ASTN2: variants seen among roughly 807,000 people sequenced by gnomAD.
ASTN2 encodes the protein astrotactin-2.
In ASTN2, 54 loss-of-function variants were observed where a neutral mutation model predicts 139.8. That is an observed-to-expected ratio of 0.39 (90% CI 0.31 to 0.48). ASTN2 has a LOEUF of 0.48. ASTN2 is among the 20% of genes least tolerant of loss of function. ASTN2 has a pLI of 0.95. For synonymous variants in ASTN2, 756 were observed against 719.5 expected (o/e 1.05, Z -0.81); for missense variants, 1,565 against 1,725.1 (o/e 0.91, Z 1.64).
In ASTN2 at chr9:116,984,032, G is replaced by A. The variant is rs765168684; in HGVS notation, c.1592-7247C>T. 3.9e-5 allele frequency among the ~76,000 whole-genome samples: 6 copies of A among 152,322 alleles called. No homozygotes were observed. In the South Asian group the frequency reaches 6.2e-4, roughly 16 times the overall value. On this transcript the variant is annotated intron_variant, in intron 7 of 22. Transcript: ENST00000313400. The stretch of plus-strand genomic sequence containing the variant: ...TTTCTGATGTACTTTAAACCTAGAT[G>A]TCTACATCTCTATAAGTAATGGTAC...
chr9:116,990,900 G>T (rs1929001), intron 7 of ASTN2, among the ~76,000 whole-genome samples: 104,508 of 151,590 alleles, frequency 0.69, 40,974 homozygotes, highest in East Asian at 0.88. Flanking sequence ...AGTGTGATGG[G>T]CTGTTCACAC....
chr9:116,779,907 C>G (rs1381836449), intron 13 of ASTN2, among the ~76,000 whole-genome samples: 1 of 152,196 alleles, frequency 6.6e-6, no homozygotes, highest in African/African-American at 2.4e-5. Context: ...CTTCACTAAT[C>G]CATTCATAGA....
intron 7 of ASTN2, among the ~76,000 whole-genome samples, chr9:116,984,616 A>G (rs1033434598): frequency 1.3e-5 from 2 of 152,238 alleles, no homozygotes; most frequent in African/African-American, 4.8e-5. Flanking sequence ...GACAAAGTCA[A>G]TGAAGGAGAG....
chr9:117,347,966 G>T (rs1829276750), intron 1 of ASTN2, among the ~76,000 whole-genome samples: 1 of 152,176 alleles, frequency 6.6e-6, no homozygotes, highest in Non-Finnish European at 1.5e-5. Context: ...GGAAACTAAA[G>T]GAAATGAAAA....
At chr9:117,166,031 A>G (rs1256305666) in intron 3 of ASTN2, among the ~76,000 whole-genome samples, 2 of 152,142 alleles carry the variant, frequency 1.3e-5, no homozygotes, top group African/African-American at 4.8e-5. Context: ...GGAAAGAAAT[A>G]GAAAACAAAT....
At chr9:117,387,919 G>T (rs983005548) in intron 1 of ASTN2, among the ~76,000 whole-genome samples, 1 of 152,108 alleles carries the variant, frequency 6.6e-6, no homozygotes, top group Non-Finnish European at 1.5e-5. Flanking sequence ...TGCTGCAAAG[G>T]CTAGAGCTGA....
intron 10 of ASTN2, among the ~76,000 whole-genome samples, chr9:116,868,222 T>A (rs1833067945): frequency 6.6e-6 from 1 of 152,158 alleles, no homozygotes; most frequent in African/African-American, 2.4e-5. Flanking sequence ...CCTGTAATAT[T>A]CCCTGTGATT....
chr9:116,505,901 C>A (rs1375466805), intron 19 of ASTN2, among the ~76,000 whole-genome samples: 3 of 152,172 alleles, frequency 2.0e-5, no homozygotes, highest in African/African-American at 7.2e-5. Flanking sequence ...TGGTTCACTT[C>A]CTCCCACTTT....
At chr9:116,977,426 T>C (rs1836373239) in intron 7 of ASTN2, among the ~76,000 whole-genome samples, 1 of 152,146 alleles carries the variant, frequency 6.6e-6, no homozygotes, top group African/African-American at 2.4e-5. Flanking sequence ...TTTCATTTCT[T>C]TCCCTTCCAT....
chr9:116,858,709 T>C (rs1832803756), intron 11 of ASTN2, among the ~76,000 whole-genome samples: 1 of 152,204 alleles, frequency 6.6e-6, no homozygotes, highest in Non-Finnish European at 1.5e-5. Context: ...CCCTCTCTTT[T>C]CTGATGTTTC....
rs764666744 is a variant in ASTN2, at chr9:116,820,810, G to A, written c.2041-27C>T. ...TGCTCAGAGAGAGGGCAACAGGGTA[G>A]TTATGGCTTGGGAGGTTGTAGGCCC... On this transcript the variant is annotated intron_variant, in intron 11 of 22. Coordinates refer to ENST00000313400, the MANE Select transcript of ASTN2 (RefSeq NM_001365068.1). 1.1e-5 allele frequency: 17 copies of A among 1,597,334 alleles called. No individual in the cohort carries two copies. The South Asian group carries it at 1.5e-4, about 14-fold the overall frequency.
chr9:116,790,823 C>T (rs951735731), intron 13 of ASTN2, among the ~76,000 whole-genome samples: 10 of 150,562 alleles, frequency 6.6e-5, no homozygotes, highest in South Asian at 2.1e-4. Flanking sequence ...TACAGGCATG[C>T]GCCACCACGC....
intron 13 of ASTN2, among the ~76,000 whole-genome samples, chr9:116,757,106 G>T (rs961991650): frequency 2.6e-5 from 4 of 152,090 alleles, no homozygotes; most frequent in African/African-American, 9.7e-5. Flanking sequence ...TTTCCTCAGG[G>T]CAGCTCCTAG....
chr9:116,707,285 CAAAAAAAAA>C (rs766053427), intron 16 of ASTN2, among the ~76,000 whole-genome samples: 11 of 60,636 alleles, frequency 1.8e-4, no homozygotes, highest in South Asian at 8.6e-4. Flanking sequence ...GCCCCCTGAC[CAAAAAAAAA>C]AAAAAAAAAA....
intron 19 of ASTN2, among the ~76,000 whole-genome samples, chr9:116,536,639 T>G (rs1851642324): frequency 6.6e-6 from 1 of 152,264 alleles, no homozygotes; most frequent in Admixed American, 6.5e-5. Context: ...CCTGTTTGCC[T>G]GGGTATCAGC....
chr9:117,167,889 T>C (rs924444345), intron 3 of ASTN2, among the ~76,000 whole-genome samples: 1 of 152,118 alleles, frequency 6.6e-6, no homozygotes, highest in Non-Finnish European at 1.5e-5. Flanking sequence ...ATGGCTTGAC[T>C]TTTAGCCTAA....
At chr9:116,736,039 T>C (rs747588630) in intron 13 of ASTN2, among the ~76,000 whole-genome samples, 3 of 152,222 alleles carry the variant, frequency 2.0e-5, no homozygotes, top group Non-Finnish European at 2.9e-5. Flanking sequence ...CATTCAGACA[T>C]TGAAAAGCTG....
intron 6 of ASTN2, among the ~76,000 whole-genome samples, chr9:117,021,828 T>G (rs1006594595): frequency 6.6e-6 from 1 of 152,166 alleles, no homozygotes; most frequent in Admixed American, 6.5e-5. Context: ...AGGTAATAGA[T>G]GTAAAGTGCT....
At chr9:116,735,625 A>G (rs918225001) in intron 13 of ASTN2, among the ~76,000 whole-genome samples, 13 of 152,240 alleles carry the variant, frequency 8.5e-5, no homozygotes, top group Admixed American at 8.5e-4. Context: ...AACACAAAAA[A>G]TGGCCATGCA....
Sources: gnomAD v4.1 joint callset for allele counts (sites outside exome capture counted in the v4.1 genomes callset) on GRCh38, gnomAD v4.1.1 for gene constraint, MANE v1.5 for transcripts, NCBI Gene and HGNC (gene_info 2026-07-23, HGNC 2026-07-21) for gene names.